The following TM2D1 variants were observed in gnomAD, a reference collection of about 807,000 sequenced individuals.
TM2D1 encodes TM2 domain containing 1.
Under a neutral mutation model 28.4 loss-of-function variants are expected in TM2D1, and 15 were observed. The ratio of observed to expected loss-of-function variants is 0.53; its 90% CI spans 0.35 to 0.81. The LOEUF is 0.81. Among genes scored for constraint, TM2D1 ranks in the 40% least tolerant of loss-of-function variants. The probability of loss-of-function intolerance (pLI) is 0.01; values close to 1 mark genes in which losing one functional copy is unlikely to be tolerated. For missense variants in TM2D1, 236 were observed against 254.9 expected (o/e 0.93, Z 0.50); for synonymous variants, 93 against 96.2 (o/e 0.97, Z 0.20).
rs1005603960 is a variant in TM2D1, at chr1:61,719,683, C to T, written c.238+4030G>A. On this transcript the variant is annotated intron_variant, in intron 2 of 6. Transcript: ENST00000606498. ...AATTTTGTATTTTTTTTAGTAGAGA[C>T]GGGGTTTCTCCATGTTGGTGGGGCT... 5.3e-5 allele frequency among the ~76,000 whole-genome samples: 8 copies of T among 152,016 alleles called. No homozygotes were observed. The East Asian group carries it at 7.8e-4, about 15-fold the overall frequency.
At chr1:61,712,891 G>C (rs986543628) in intron 2 of TM2D1, among the ~76,000 whole-genome samples, 5 of 152,094 alleles carry the variant, frequency 3.3e-5, no homozygotes, top group Non-Finnish European at 7.4e-5. Context: ...CTTAAAAGCT[G>C]AGAATTGGCT....
chr1:61,718,656 G>T (rs1174780427), intron 2 of TM2D1, among the ~76,000 whole-genome samples: 2 of 152,194 alleles, frequency 1.3e-5, no homozygotes, highest in Admixed American at 1.3e-4. Context: ...CAAGGAGAAA[G>T]AGATAGTTAT....
intron 2 of TM2D1, 64 bp downstream of exon 2, chr1:61,723,649 T>C (rs1644583614): frequency 2.4e-6 from 2 of 836,872 alleles, no homozygotes; most frequent in Admixed American, 5.7e-5. Context: ...TTAGTGATCA[T>C]ACATTGACCT....
At chr1:61,703,038 G>A (rs188192392) in intron 3 of TM2D1, among the ~76,000 whole-genome samples, 228 of 151,486 alleles carry the variant, frequency 1.5e-3, no homozygotes, top group African/African-American at 4.9e-3. Context: ...CCTGGGAAGC[G>A]GAGGTTGCAG....
intron 3 of TM2D1, 61 bp downstream of exon 3, chr1:61,709,268 T>G (rs568777806): frequency 9.9e-7 from 1 of 1,010,742 alleles, no homozygotes; most frequent in African/African-American, 1.6e-5. Flanking sequence ...CCTCTCTTCA[T>G]GCAATGAAGA....
At chr1:61,723,637 C>T in intron 2 of TM2D1, 76 bp downstream of exon 2, 1 of 706,064 alleles carries the variant, frequency 1.4e-6, no homozygotes, top group Non-Finnish European at 2.2e-6. Context: ...TATTAATTGC[C>T]TTTAGTGATC....
At chr1:61,697,908 C>T (rs1644375470) in intron 4 of TM2D1, 1 of 152,130 alleles carries the variant, frequency 6.6e-6, no homozygotes, top group South Asian at 2.1e-4. Flanking sequence ...TTCCCTTATC[C>T]AATATTTTAT....
chr1:61,689,647 A>G (rs1644309888), intron 5 of TM2D1, among the ~76,000 whole-genome samples: 1 of 152,164 alleles, frequency 6.6e-6, no homozygotes, highest in Non-Finnish European at 1.5e-5. Flanking sequence ...TGCTGAAACT[A>G]TAGGCACTCA....
At chr1:61,701,098 C>G in intron 3 of TM2D1, 73 bp from the exon 4 acceptor site, 2 of 1,131,446 alleles carry the variant, frequency 1.8e-6, no homozygotes, top group Non-Finnish European at 2.6e-6. Flanking sequence ...TTAACTACTA[C>G]TTGTTAATTG....
At chr1:61,716,553 A>G (rs1050816484) in intron 2 of TM2D1, among the ~76,000 whole-genome samples, 4 of 143,890 alleles carry the variant, frequency 2.8e-5, no homozygotes, top group Admixed American at 7.1e-5. Flanking sequence ...TTATATATGT[A>G]TATAATTTTA....
At chr1:61,709,608 A>G (rs759501914) in intron 2 of TM2D1, among the ~76,000 whole-genome samples, 171 bp from the exon 3 acceptor site, 4 of 152,198 alleles carry the variant, frequency 2.6e-5, no homozygotes, top group Non-Finnish European at 5.9e-5. Flanking sequence ...TACATGCAAG[A>G]TAAACATAAA....
chr1:61,717,431 C>T (rs1570128263), intron 2 of TM2D1, among the ~76,000 whole-genome samples: 1 of 152,042 alleles, frequency 6.6e-6, no homozygotes, highest in East Asian at 1.9e-4. Context: ...AAGCAACATG[C>T]TATAAGCCTG....
At position 61,701,919 on chromosome 1, in the gene TM2D1, G is replaced by T. The variant is rs377382172; in HGVS notation, c.348-894C>A. 4.6e-5 allele frequency among the ~76,000 whole-genome samples: 7 copies of T among 152,118 alleles called. No individual in the cohort carries two copies. In the East Asian group the frequency reaches 1.4e-3, roughly 29 times the overall value. On this transcript the variant is annotated intron_variant, in intron 3 of 6. Coordinates refer to ENST00000606498, the MANE Select transcript of TM2D1 (RefSeq NM_032027.3). ...TCAAGAATGACTCCAAGACGGGCGC[G>T]GTGGCACACGCCTGTAATCCTAGCA...
At chr1:61,724,932 G>A (rs1644594295) in intron 1 of TM2D1, 25 bp downstream of exon 1, 1 of 1,564,832 alleles carries the variant, frequency 6.4e-7, no homozygotes, top group East Asian at 2.3e-5. Flanking sequence ...CGCCTCCATG[G>A]GGGGGTGTTC....
intron 2 of TM2D1, among the ~76,000 whole-genome samples, chr1:61,718,217 G>A (rs1411413634): frequency 6.6e-6 from 1 of 152,166 alleles, no homozygotes; most frequent in South Asian, 2.1e-4. Context: ...TTGAGCCTGG[G>A]AGGTGGAGGT....
intron 5 of TM2D1, 185 bp downstream of exon 5, chr1:61,694,512 A>T (rs1644350383): frequency 1.4e-5 from 6 of 436,574 alleles, no homozygotes; most frequent in Non-Finnish European, 2.1e-5. Context: ...TAACTGGTAG[A>T]GCACAGTTTG....
At chr1:61,706,787 C>T (rs966222102) in intron 3 of TM2D1, among the ~76,000 whole-genome samples, 1 of 141,610 alleles carries the variant, frequency 7.1e-6, no homozygotes, top group African/African-American at 2.5e-5. Flanking sequence ...CAAGATCACA[C>T]CATTGCACTC....
chr1:61,702,042 T>C (rs533549867), intron 3 of TM2D1, among the ~76,000 whole-genome samples: 84 of 151,898 alleles, frequency 5.5e-4, no homozygotes, highest in African/African-American at 2.0e-3. Flanking sequence ...ATACAAAAAT[T>C]AGCTGGACGT....
Position 61,725,131 on chromosome 1 carries a change from G to A in TM2D1, c.-11C>T, listed in dbSNP as rs548818161. The A allele has an allele frequency of 9.3e-6, 15 of 1,613,440 alleles. No individual in the cohort carries two copies. In the East Asian group the frequency reaches 2.9e-4, roughly 31 times the overall value. On this transcript the variant is annotated 5_prime_UTR_variant, in exon 1 of 7. Coordinates refer to ENST00000606498, the MANE Select transcript of TM2D1 (RefSeq NM_032027.3). ...CCAGGCGGCCGCCATCTTGGAGACC[G>A]ACACTTTCTCGCCACTTCCGCTTCC...
Sources: allele counts gnomAD v4.1 joint callset (sites outside exome capture counted in the v4.1 genomes callset), GRCh38; gene constraint gnomAD v4.1.1; transcripts MANE v1.5; gene names NCBI Gene and HGNC (gene_info 2026-07-23, HGNC 2026-07-21).